FGD4: variants seen among roughly 807,000 people sequenced by gnomAD.
The protein encoded by FGD4 is FYVE, RhoGEF and PH domain containing 4.
In FGD4, 42 loss-of-function variants were observed where a neutral mutation model predicts 102.0. That is an observed-to-expected ratio of 0.41 (90% CI 0.32 to 0.53). The LOEUF (loss-of-function observed/expected upper bound fraction) is 0.53, where lower values mean the gene tolerates loss of function less well. FGD4 is among the 20% of genes least tolerant of loss of function. FGD4 has a pLI of 0.21. For synonymous variants in FGD4, 380 were observed against 375.7 expected, an observed-to-expected ratio of 1.01 and a Z score of -0.13; for missense variants, 902 against 1,078.2, an observed-to-expected ratio of 0.84 and a Z score of 2.29.
chr12:32,517,011 G>A (rs1000370037), intron 1 of FGD4, among the ~76,000 whole-genome samples: 1 of 152,120 alleles, frequency 6.6e-6, no homozygotes, highest in Admixed American at 6.5e-5. Flanking sequence ...TAGTTAGTGG[G>A]TACCCAAAAA....
chr12:32,635,114 A>G (rs1950728957), intron 15 of FGD4, among the ~76,000 whole-genome samples: 1 of 152,374 alleles, frequency 6.6e-6, no homozygotes, highest in South Asian at 2.1e-4. Context: ...AAGGGTTACA[A>G]ACTTCAAGGT....
In FGD4 at chr12:32,544,525, C is replaced by T. The variant is rs933189789; in HGVS notation, c.167-19612C>T. 2.0e-5 allele frequency among the ~76,000 whole-genome samples: 3 copies of T among 151,196 alleles called. No homozygotes were observed. The highest frequency in any genetic ancestry group is 2.9e-5 in the Non-Finnish European group (2 of 67,836). ...GCAGGTGGATCACTTTGAACTCAGT[C>T]GTTTGAGACCAGCCTGGTCAGTATG... On this transcript the variant is annotated intron_variant, in intron 1 of 16. Coordinates refer to ENST00000534526, the MANE Select transcript of FGD4 (RefSeq NM_001370298.3). This position sits in a 1 kb window ranked among gnomAD's most constrained non-coding sequence, Gnocchi z 4.1.
intron 1 of FGD4, among the ~76,000 whole-genome samples, chr12:32,441,423 G>A (rs372788931): frequency 6.6e-4 from 101 of 152,174 alleles, no homozygotes; most frequent in African/African-American, 2.1e-3. Context: ...GACCCAGGAT[G>A]TGTCTAGAAG....
intron 1 of FGD4, among the ~76,000 whole-genome samples, chr12:32,442,813 C>T (rs1299626355): frequency 6.6e-6 from 1 of 152,134 alleles, no homozygotes; most frequent in Non-Finnish European, 1.5e-5. Flanking sequence ...CTGCCTAGGC[C>T]TTCCAAAGTG....
chr12:32,569,241 T>G (rs993936499), intron 2 of FGD4, among the ~76,000 whole-genome samples: 2 of 152,182 alleles, frequency 1.3e-5, no homozygotes, highest in Non-Finnish European at 2.9e-5. Flanking sequence ...ACCCTGCTTC[T>G]CCCCTGTTTT....
chr12:32,484,235 G>A (rs1202653103), intron 1 of FGD4, among the ~76,000 whole-genome samples: 2 of 152,190 alleles, frequency 1.3e-5, no homozygotes, highest in African/African-American at 4.8e-5. Context: ...TGATGTTAGT[G>A]TGTATTTCTC....
At chr12:32,611,342 A>G in intron 10 of FGD4, 59 bp downstream of exon 10, 1 of 1,597,352 alleles carries the variant, frequency 6.3e-7, no homozygotes, top group Non-Finnish European at 8.6e-7. Flanking sequence ...ATGGCTGGGC[A>G]CGGTGGCTCA....
At chr12:32,405,539 G>A (rs142117868) in intron 1 of FGD4, among the ~76,000 whole-genome samples, 9,522 of 152,216 alleles carry the variant, frequency 0.063, 424 homozygotes, top group Middle Eastern at 0.14. Context: ...GATTACAGGC[G>A]TGAGCCACTG....
At chr12:32,563,993 AAG>A (rs1491028322) in intron 1 of FGD4, 142 bp from the exon 2 acceptor site, 2 of 774,162 alleles carry the variant, frequency 2.6e-6, no homozygotes, top group African/African-American at 2.0e-5. Context: ...AGACCGTGGA[AAG>A]AGAGGGAGAC....
At chr12:32,476,027 T>A (rs1943576592) in intron 1 of FGD4, among the ~76,000 whole-genome samples, 1 of 152,182 alleles carries the variant, frequency 6.6e-6, no homozygotes, top group South Asian at 2.1e-4. Flanking sequence ...CTTTTGACAT[T>A]CTTCTTGGAA....
chr12:32,563,037 G>A (rs936467031), intron 1 of FGD4, among the ~76,000 whole-genome samples: 4 of 150,268 alleles, frequency 2.7e-5, no homozygotes, highest in East Asian at 4.0e-4. Flanking sequence ...CTGGCCGGGC[G>A]GGGGGCTGAC....
chr12:32,618,228 A>G (rs1343647927), intron 10 of FGD4, among the ~76,000 whole-genome samples: 1 of 152,206 alleles, frequency 6.6e-6, no homozygotes, highest in Non-Finnish European at 1.5e-5. Flanking sequence ...TACATTTGTC[A>G]CTCAGTTTGC....
chr12:32,564,292 A>G lies in FGD4; in HGVS notation c.319+3A>G. ...AGCTGCAAGTCCAAAGCCACAAGGTATGCTCACTGGGAGTTTGTGTTCGGG... is the reference window on the plus strand; with the variant it reads ...AGCTGCAAGTCCAAAGCCACAAGGTGTGCTCACTGGGAGTTTGTGTTCGGG... On this transcript the variant is annotated splice_donor_region_variant and intron_variant, in intron 2 of 16. Transcript: ENST00000534526. The G allele has an allele frequency of 1.3e-6, 2 of 1,535,796 alleles. No individual in the cohort carries two copies. Among genetic ancestry groups the G allele is most frequent in the South Asian group, 1.2e-5 (1 of 84,002 alleles).
At chr12:32,623,369 T>G (rs1436087387) in intron 11 of FGD4, among the ~76,000 whole-genome samples, 6 of 152,162 alleles carry the variant, frequency 3.9e-5, no homozygotes, top group African/African-American at 1.4e-4. Flanking sequence ...AATTTTTTTT[T>G]TATTTTGAGA....
At chr12:32,491,036 C>T (rs911062224) in intron 1 of FGD4, among the ~76,000 whole-genome samples, 3 of 149,670 alleles carry the variant, frequency 2.0e-5, no homozygotes, top group Non-Finnish European at 4.4e-5. Context: ...TTTTGCCCTG[C>T]CTGATTTGTT....
chr12:32,640,909 T>G lies in FGD4; in HGVS notation c.*376T>G, dbSNP rs1340037064. ...GTAGGACCTGGAACAGTTTGAAAGA[T>G]ATACCTCCATGTTGCCAAAATAGAT... On this transcript the variant is annotated 3_prime_UTR_variant, in exon 17 of 17. Coordinates refer to ENST00000534526, the MANE Select transcript of FGD4 (RefSeq NM_001370298.3). 1 of 417,338 alleles carries G rather than the reference T, an allele frequency of 2.4e-6. No individual in the cohort carries two copies. Among genetic ancestry groups the G allele is most frequent in the Non-Finnish European group, 4.3e-6 (1 of 232,096 alleles). The allele number at this position is 417,338 out of a possible 1,614,324, so 25.9% of individuals were successfully genotyped here.
intron 1 of FGD4, among the ~76,000 whole-genome samples, chr12:32,405,123 C>T (rs1197464780): frequency 2.6e-5 from 4 of 151,588 alleles, no homozygotes; most frequent in Non-Finnish European, 4.4e-5. Context: ...TTAGTAGAGA[C>T]GGGGTTTCAC....
chr12:32,428,736 A>G (rs1164502270), intron 1 of FGD4, among the ~76,000 whole-genome samples: 1 of 151,718 alleles, frequency 6.6e-6, no homozygotes, highest in Non-Finnish European at 1.5e-5. Flanking sequence ...TAATAGTCCC[A>G]TATTTCTTTA....
intron 1 of FGD4, among the ~76,000 whole-genome samples, chr12:32,563,576 G>A (rs1184377492): frequency 6.6e-6 from 1 of 151,812 alleles, no homozygotes; most frequent in Non-Finnish European, 1.5e-5. Context: ...GGGCAGAGAC[G>A]CTCCTCACTT....
Sources: gnomAD v4.1 joint callset for allele counts (sites outside exome capture counted in the v4.1 genomes callset) on GRCh38, gnomAD v4.1.1 for gene constraint, Gnocchi (gnomAD v3.1) non-coding constraint, MANE v1.5 for transcripts, NCBI Gene and HGNC (gene_info 2026-07-23, HGNC 2026-07-21) for gene names.